ERICH1: variants seen among roughly 807,000 people sequenced by gnomAD.
ERICH1 encodes glutamate-rich protein 1.
Under a neutral mutation model 39.6 loss-of-function variants are expected in ERICH1, and 56 were observed. That is an observed-to-expected ratio of 1.41 (90% CI 1.14 to 1.77). ERICH1 has a LOEUF of 1.77. Among genes scored for constraint, ERICH1 ranks in the 40% most tolerant of loss-of-function variants. The pLI is 0.00. For synonymous variants in ERICH1, 313 were observed against 223.6 expected (o/e 1.40, Z -3.57); for missense variants, 826 against 575.4 (o/e 1.44, Z -4.45).
chr8:686,641 C>T (rs1807459070), intron 3 of ERICH1: 1 of 152,258 alleles, frequency 6.6e-6, no homozygotes. Flanking sequence ...ACAGTGCCAA[C>T]CTTTTAGAAA....
chr8:634,009 C>T (rs374602676), intron 3 of ERICH1, among the ~76,000 whole-genome samples: 5 of 152,090 alleles, frequency 3.3e-5, no homozygotes, highest in African/African-American at 1.2e-4. Flanking sequence ...CAGGCGACAA[C>T]AGAAAAAGCA....
intron 3 of ERICH1, among the ~76,000 whole-genome samples, chr8:689,000 C>T (rs1056121860): frequency 2.6e-5 from 4 of 152,230 alleles, no homozygotes; most frequent in African/African-American, 9.6e-5. Context: ...CAACACTCTC[C>T]AGGTCTTTTG....
intron 3 of ERICH1, among the ~76,000 whole-genome samples, chr8:691,373 G>A (rs1808868178): frequency 1.3e-5 from 2 of 152,242 alleles, no homozygotes; most frequent in Non-Finnish European, 2.9e-5. Context: ...GGGAAGCAGT[G>A]TTGGCTCATG....
At chr8:628,913 C>T (rs1179722555) in intron 3 of ERICH1, among the ~76,000 whole-genome samples, 1 of 152,166 alleles carries the variant, frequency 6.6e-6, no homozygotes, top group Non-Finnish European at 1.5e-5. Context: ...CTCGGGGTCC[C>T]AGGACCACCC....
At chr8:730,392 AAC>A (rs1319978144) in intron 1 of ERICH1, among the ~76,000 whole-genome samples, 2 of 152,214 alleles carry the variant, frequency 1.3e-5, no homozygotes, top group Non-Finnish European at 2.9e-5. Flanking sequence ...ATCAGTTTTA[AAC>A]ATAGAGAAGG....
intron 2 of ERICH1, among the ~76,000 whole-genome samples, chr8:695,375 CACA>C (rs1809916325): frequency 6.6e-6 from 1 of 152,046 alleles, no homozygotes; most frequent in Non-Finnish European, 1.5e-5. Context: ...CAGGTACCTG[CACA>C]CCATGACGGC....
At chr8:685,103 T>C (rs1807000771) in intron 3 of ERICH1, among the ~76,000 whole-genome samples, 1 of 152,200 alleles carries the variant, frequency 6.6e-6, no homozygotes, top group Non-Finnish European at 1.5e-5. Context: ...GCGTGTTTCA[T>C]CCCTATCTAC....
chr8:683,980 TACTC>T (rs1184633686), intron 3 of ERICH1, among the ~76,000 whole-genome samples: 3 of 152,376 alleles, frequency 2.0e-5, no homozygotes, highest in South Asian at 2.1e-4. Context: ...GAATTATACA[TACTC>T]AAGAAATTGT....
At chr8:686,233 C>A (rs1807334155) in intron 3 of ERICH1, among the ~76,000 whole-genome samples, 2 of 152,066 alleles carry the variant, frequency 1.3e-5, no homozygotes, top group South Asian at 4.1e-4. Context: ...ATATTAATAT[C>A]TAGTAAAATA....
chr8:655,330 C>G (rs1034275964), intron 3 of ERICH1, among the ~76,000 whole-genome samples: 2 of 152,230 alleles, frequency 1.3e-5, no homozygotes, highest in Admixed American at 6.5e-5. Flanking sequence ...AAATCCAACA[C>G]GGCAGATAGT....
intron 3 of ERICH1, chr8:690,966 T>C (rs1808767164): frequency 6.6e-6 from 1 of 152,298 alleles, no homozygotes; most frequent in Admixed American, 6.5e-5. Context: ...GTTCCCACAC[T>C]GACCTTGGAG....
intron 3 of ERICH1, among the ~76,000 whole-genome samples, chr8:691,966 G>A (rs1344727754): frequency 2.6e-5 from 4 of 152,174 alleles, no homozygotes; most frequent in Non-Finnish European, 5.9e-5. Flanking sequence ...ACAGTCAACC[G>A]TATTAAGAGA....
chr8:632,565 T>A (rs1041774789), intron 3 of ERICH1, among the ~76,000 whole-genome samples: 8 of 152,192 alleles, frequency 5.3e-5, no homozygotes, highest in Admixed American at 4.6e-4. Flanking sequence ...AAAAGGTAAG[T>A]ATCCAGAATA....
intron 3 of ERICH1, among the ~76,000 whole-genome samples, chr8:685,356 CTTTT>C (rs1352518836): frequency 6.6e-6 from 1 of 152,154 alleles, no homozygotes; most frequent in African/African-American, 2.4e-5. Context: ...TTATCCTGTT[CTTTT>C]GTCAAGATGC....
chr8:685,039 C>T (rs1806983431), intron 3 of ERICH1, among the ~76,000 whole-genome samples: 1 of 152,198 alleles, frequency 6.6e-6, no homozygotes, highest in Non-Finnish European at 1.5e-5. Flanking sequence ...CTAGAATTCA[C>T]CAGGCTGGAA....
At chr8:642,670 T>A (rs1243775329) in intron 3 of ERICH1, among the ~76,000 whole-genome samples, 1 of 152,134 alleles carries the variant, frequency 6.6e-6, no homozygotes, top group Non-Finnish European at 1.5e-5. Flanking sequence ...ATCAACCCAC[T>A]GGCACGTCTG....
intron 3 of ERICH1, among the ~76,000 whole-genome samples, chr8:617,393 T>A (rs1014253762): frequency 1.3e-5 from 2 of 152,194 alleles, no homozygotes; most frequent in Non-Finnish European, 2.9e-5. Flanking sequence ...TCAGCACTGA[T>A]CACTCCCTGT....
chr8:631,888 A>C (rs1330146292), intron 3 of ERICH1, among the ~76,000 whole-genome samples: 2 of 151,972 alleles, frequency 1.3e-5, no homozygotes, highest in Non-Finnish European at 2.9e-5. Context: ...TCAATGCTGT[A>C]CTTGTTTCTA....
intron 3 of ERICH1, among the ~76,000 whole-genome samples, chr8:629,867 G>A (rs1300158367): frequency 7.8e-6 from 1 of 127,694 alleles, no homozygotes; most frequent in Non-Finnish European, 1.6e-5. Context: ...CACACAGACA[G>A]AGCTGACTCA....
Sources: allele counts gnomAD v4.1 joint callset (sites outside exome capture counted in the v4.1 genomes callset), GRCh38; gene constraint gnomAD v4.1.1; transcripts MANE v1.5; gene names NCBI Gene and HGNC (gene_info 2026-07-23, HGNC 2026-07-21).